MRPS15: variants seen among roughly 807,000 people sequenced by gnomAD.
MRPS15 encodes small ribosomal subunit protein uS15m.
A neutral mutation model predicts 30.7 loss-of-function variants in MRPS15; 25 were observed. The observed-to-expected ratio is 0.81, with a 90% confidence interval of 0.59 to 1.14. MRPS15 has a LOEUF of 1.14. Ranked by LOEUF, MRPS15 falls within the 50% of genes most tolerant of loss-of-function variation. The pLI, the probability that MRPS15 is intolerant of heterozygous loss-of-function variation, is 0.00. For synonymous variants in MRPS15, 124 were observed against 120.1 expected, an observed-to-expected ratio of 1.03 and a Z score of -0.21; for missense variants, 313 against 321.7, an observed-to-expected ratio of 0.97 and a Z score of 0.21.
At chr1:36,457,627 T>C (rs887158413) in intron 6 of MRPS15, among the ~76,000 whole-genome samples, 4 of 152,180 alleles carry the variant, frequency 2.6e-5, no homozygotes, top group Admixed American at 6.5e-5. Flanking sequence ...GCTACTTAAG[T>C]GGAAGTGGCA....
intron 5 of MRPS15, chr1:36,459,607 A>G (rs1438054418): frequency 1.3e-5 from 2 of 152,244 alleles, no homozygotes; most frequent in African/African-American, 2.4e-5. Context: ...GCTGAAACTC[A>G]TCTTCTCAAA....
chr1:36,460,166 C>G (rs1204034581), intron 5 of MRPS15, among the ~76,000 whole-genome samples: 1 of 152,168 alleles, frequency 6.6e-6, no homozygotes. Context: ...CGCCACCATG[C>G]CCGGCTAATT....
chr1:36,456,298 A>C lies in MRPS15; in HGVS notation c.525T>G (p.Tyr175Ter). ...KMLKNLRNTN[Y>*]DVFEKICWGL... is the part of the protein sequence containing the mutation. Reference sequence around the variant, plus strand: ...CCCAGCATATCTTCTCAAAGACATCATAGTTGGTGTTACGGAGGTTTTTGA... The same window carrying C: ...CCCAGCATATCTTCTCAAAGACATCCTAGTTGGTGTTACGGAGGTTTTTGA... The change falls in exon 7 of 8, where the codon TAT (tyrosine) becomes TAG (stop). Residue 175 changes from tyrosine (Y) to a stop codon, truncating the protein, a stop_gained. Coordinates refer to ENST00000373116, the MANE Select transcript of MRPS15 (RefSeq NM_031280.4). LOFTEE classifies it high-confidence loss of function. 6.2e-7 allele frequency: 1 copy of C among 1,614,190 alleles called. No homozygotes were observed. The highest frequency in any genetic ancestry group is 8.5e-7 in the Non-Finnish European group (1 of 1,180,030).
chr1:36,463,899 C>T (rs780715901), intron 1 of MRPS15, 49 bp from the exon 2 acceptor site: 7 of 1,584,282 alleles, frequency 4.4e-6, no homozygotes, highest in Non-Finnish European at 6.0e-6. Flanking sequence ...ATAGCCCACC[C>T]CTCAGTTCCT....
At chr1:36,463,498 A>G (rs111635516) in intron 2 of MRPS15, among the ~76,000 whole-genome samples, 3 of 152,346 alleles carry the variant, frequency 2.0e-5, no homozygotes, top group African/African-American at 7.2e-5. Flanking sequence ...TACATCCTGC[A>G]TCTCAGAAGC....
chr1:36,463,754 G>C, intron 2 of MRPS15, 52 bp downstream of exon 2: 1 of 1,580,988 alleles, frequency 6.3e-7, no homozygotes, highest in Non-Finnish European at 8.6e-7. Flanking sequence ...ACCCACCCCA[G>C]CCTTCCAGGA....
chr1:36,456,175 T>A lies in MRPS15; in HGVS notation c.636+12A>T, dbSNP rs764221598. 2.5e-6 allele frequency: 4 copies of A among 1,595,786 alleles called. No individual in the cohort carries two copies. The East Asian group carries it at 9.0e-5, about 36-fold the overall frequency. ...GAGTGGGGCCAAGCAAAGCCGCAAT[T>A]CTGACTCGTACCCGAATGCACAGAG... On this transcript the variant is annotated intron_variant, in intron 7 of 7. Coordinates refer to ENST00000373116, the MANE Select transcript of MRPS15 (RefSeq NM_031280.4).
At chr1:36,461,227 G>T in intron 4 of MRPS15, 37 bp downstream of exon 4, 1 of 1,610,324 alleles carries the variant, frequency 6.2e-7, no homozygotes, top group Non-Finnish European at 8.5e-7. Flanking sequence ...CAGAGGAGAA[G>T]ACTGCGGGAG....
At chr1:36,463,913 T>A (rs1427259175) in intron 1 of MRPS15, 63 bp from the exon 2 acceptor site, 1 of 1,564,480 alleles carries the variant, frequency 6.4e-7, no homozygotes, top group African/African-American at 1.4e-5. Context: ...AGTTCCTTTC[T>A]GTGCCCCTCG....
chr1:36,460,198 G>A (rs1557580905), intron 5 of MRPS15, among the ~76,000 whole-genome samples: 2 of 152,074 alleles, frequency 1.3e-5, no homozygotes, highest in East Asian at 1.9e-4. Context: ...TAGTAGAGAC[G>A]GGGTTTCACC....
Position 36,456,491 on chromosome 1 carries a change from T to TA in MRPS15, c.445-114dup. On this transcript the variant is annotated intron_variant, in intron 6 of 7. Transcript: ENST00000373116. ...AAATTTCTCAGTAATCTTATGCAAA[T>TA]ATTAATGCAATTCTGAAGGAGGTAT... 8 of 996,718 alleles carry TA rather than the reference T, an allele frequency of 8.0e-6. No homozygotes were observed. In the South Asian group the frequency reaches 1.1e-4, roughly 14 times the overall value. 61.7% of individuals were successfully genotyped at this position (996,718 alleles called of 1,614,324 possible).
chr1:36,455,945 G>A lies in MRPS15; in HGVS notation c.637-20C>T. The A allele has an allele frequency of 1.2e-6, 2 of 1,610,094 alleles. No homozygotes were observed. Among genetic ancestry groups the A allele is most frequent in the Admixed American group, 3.4e-5 (2 of 58,980 alleles). On this transcript the variant is annotated intron_variant, in intron 7 of 7. Coordinates refer to ENST00000373116, the MANE Select transcript of MRPS15 (RefSeq NM_031280.4). ...GAAAACCTGGGGATGAAAAGGGGCA[G>A]AAAAAGACCTTGTAATCCTGTGCAA...
chr1:36,462,672 T>G (rs748655350), intron 2 of MRPS15, among the ~76,000 whole-genome samples: 2 of 152,130 alleles, frequency 1.3e-5, no homozygotes, highest in Non-Finnish European at 1.5e-5. Flanking sequence ...TGCTATCCCT[T>G]GGAGATGAGG....
intron 2 of MRPS15, among the ~76,000 whole-genome samples, chr1:36,463,214 A>G (rs1219701199): frequency 6.6e-6 from 1 of 151,972 alleles, no homozygotes; most frequent in Non-Finnish European, 1.5e-5. Context: ...TGATCTGCCC[A>G]CCTTGGCCTC....
chr1:36,460,892 G>T, intron 4 of MRPS15, 116 bp from the exon 5 acceptor site: 1 of 830,834 alleles, frequency 1.2e-6, no homozygotes, highest in Non-Finnish European at 2.0e-6. Context: ...AAGGCTCAGG[G>T]CCTGACTTCA....
chr1:36,462,024 T>A, intron 3 of MRPS15, 64 bp downstream of exon 3: 1 of 1,409,308 alleles, frequency 7.1e-7, no homozygotes, highest in Non-Finnish European at 1.0e-6. Flanking sequence ...CCACTGTCTT[T>A]CCCCACTCCC....
chr1:36,455,722 G>T lies in MRPS15; in HGVS notation c.*66C>A. On this transcript the variant is annotated 3_prime_UTR_variant, in exon 8 of 8. Coordinates refer to ENST00000373116, the MANE Select transcript of MRPS15 (RefSeq NM_031280.4). Reference sequence around the variant, plus strand: ...AAGAATAAATTCCTTCTCCTCTTCAGGCCAAAAAGAGCCCCATCATCTCTC... The same window carrying T: ...AAGAATAAATTCCTTCTCCTCTTCATGCCAAAAAGAGCCCCATCATCTCTC... The T allele has an allele frequency of 6.4e-7, 1 of 1,573,660 alleles. No homozygotes were observed. The highest frequency in any genetic ancestry group is 8.6e-7 in the Non-Finnish European group (1 of 1,159,350).
chr1:36,464,013 C>T, intron 1 of MRPS15, 133 bp downstream of exon 1: 1 of 1,510,006 alleles, frequency 6.6e-7, no homozygotes, highest in Non-Finnish European at 9.0e-7. Flanking sequence ...CTTGTTTCAC[C>T]TCTTGCGCAA....
intron 6 of MRPS15, 133 bp from the exon 7 acceptor site, chr1:36,456,511 A>G: frequency 3.6e-6 from 3 of 842,416 alleles, no homozygotes; most frequent in Non-Finnish European, 5.3e-6. Flanking sequence ...ATTCTGAAGG[A>G]GGTATTATCA....
Sources: gnomAD v4.1 joint callset for allele counts (sites outside exome capture counted in the v4.1 genomes callset) on GRCh38, gnomAD v4.1.1 for gene constraint, MANE v1.5 for transcripts, NCBI Gene and HGNC (gene_info 2026-07-23, HGNC 2026-07-21) for gene names.